The following AGBL4 variants were observed in gnomAD, a reference collection of about 807,000 sequenced individuals.
AGBL4 encodes the protein AGBL carboxypeptidase 4, also known as cytosolic carboxypeptidase 6.
In AGBL4, 58 loss-of-function variants were observed where a neutral mutation model predicts 66.4. The observed-to-expected ratio is 0.87, with a 90% CI of 0.71 to 1.09. The LOEUF is 1.09. AGBL4 is among the 50% of genes least tolerant of loss of function. The probability of loss-of-function intolerance (pLI) is 0.00; values close to 1 mark genes in which losing one functional copy is unlikely to be tolerated. For synonymous variants in AGBL4, 234 were observed against 222.9 expected (o/e 1.05, Z -0.44); for missense variants, 579 against 631.0 (o/e 0.92, Z 0.88).
intron 5 of AGBL4, among the ~76,000 whole-genome samples, chr1:49,042,064 T>C (rs1302162079): frequency 1.3e-5 from 2 of 152,102 alleles, no homozygotes; most frequent in African/African-American, 4.8e-5. Context: ...ATATATGTTT[T>C]AAAGTATCAG....
intron 4 of AGBL4, among the ~76,000 whole-genome samples, chr1:49,098,379 C>G (rs1477824297): frequency 1.3e-5 from 2 of 152,086 alleles, no homozygotes; most frequent in Admixed American, 6.6e-5. Flanking sequence ...CATAGAAGAC[C>G]CAATATAGCA....
intron 6 of AGBL4, among the ~76,000 whole-genome samples, chr1:48,844,133 C>T (rs1485231534): frequency 6.6e-6 from 1 of 152,138 alleles, no homozygotes; most frequent in Non-Finnish European, 1.5e-5. Context: ...TGTGCTCTGG[C>T]ACCCACCTGC....
intron 1 of AGBL4, among the ~76,000 whole-genome samples, chr1:49,926,399 C>T (rs1177040338): frequency 3.9e-5 from 6 of 152,144 alleles, no homozygotes; most frequent in Non-Finnish European, 7.3e-5. Context: ...CCTTTGAATA[C>T]CTGAAAAGCC....
intron 9 of AGBL4, among the ~76,000 whole-genome samples, chr1:48,623,082 C>T (rs937593210): frequency 6.6e-6 from 1 of 152,184 alleles, no homozygotes; most frequent in Non-Finnish European, 1.5e-5. Flanking sequence ...TTTCTAAGAA[C>T]AATTTGAAAA....
At chr1:49,271,861 T>C (rs1247292966) in intron 3 of AGBL4, among the ~76,000 whole-genome samples, 1 of 152,178 alleles carries the variant, frequency 6.6e-6, no homozygotes, top group Admixed American at 6.5e-5. Context: ...ATGGAAAGGA[T>C]ACTCTCAGGT....
At chr1:48,960,156 G>A (rs1350790859) in intron 5 of AGBL4, among the ~76,000 whole-genome samples, 1 of 152,142 alleles carries the variant, frequency 6.6e-6, no homozygotes, top group Non-Finnish European at 1.5e-5. Flanking sequence ...TAAAGATGAA[G>A]TGATGAGAGT....
intron 6 of AGBL4, among the ~76,000 whole-genome samples, chr1:48,726,345 G>C (rs1187710165): frequency 1.3e-5 from 2 of 152,132 alleles, no homozygotes; most frequent in Non-Finnish European, 2.9e-5. Context: ...CAACAATGAT[G>C]CAAAGTTTTT....
chr1:49,388,135 C>T (rs1486837920), intron 3 of AGBL4, among the ~76,000 whole-genome samples: 4 of 152,088 alleles, frequency 2.6e-5, no homozygotes, highest in Non-Finnish European at 4.4e-5. Context: ...ACTTCAATAC[C>T]ATCATCCTAT....
Position 48,663,233 on chromosome 1 carries a change from G to T in AGBL4, c.643C>A (p.Arg215=), listed in dbSNP as rs574037988. 8.1e-6 allele frequency: 13 copies of T among 1,613,734 alleles called. 1 individual carries two copies. The East Asian group carries it at 2.9e-4, about 36-fold the overall frequency. ...LLTITSPDNL[R]EGAEQKVVFI... Reference sequence around the variant, plus strand: ...ACCACCTTCTGCTCTGCCCCTTCCCGGAGATTGTCTGTAAGATAAAATGAA... The same window carrying T: ...ACCACCTTCTGCTCTGCCCCTTCCCTGAGATTGTCTGTAAGATAAAATGAA... Residue 215 remains arginine, a synonymous_variant, in exon 7 of 14, where the codon CGG becomes AGG. Coordinates refer to ENST00000371839, the MANE Select transcript of AGBL4 (RefSeq NM_032785.4).
intron 3 of AGBL4, among the ~76,000 whole-genome samples, chr1:49,438,098 T>A (rs947039074): frequency 6.6e-6 from 1 of 152,176 alleles, no homozygotes; most frequent in East Asian, 1.9e-4. Flanking sequence ...TATTACTGAC[T>A]CCATTTTACA....
At chr1:49,359,801 G>A (rs938224693) in intron 3 of AGBL4, among the ~76,000 whole-genome samples, 1 of 151,768 alleles carries the variant, frequency 6.6e-6, no homozygotes, top group Non-Finnish European at 1.5e-5. Context: ...TCTGACTTCC[G>A]TGCCCTCATT....
chr1:49,477,883 A>G (rs889944605), intron 3 of AGBL4, among the ~76,000 whole-genome samples: 2 of 151,800 alleles, frequency 1.3e-5, no homozygotes, highest in African/African-American at 4.8e-5. Flanking sequence ...TTAAAAAAGA[A>G]CCAAATAAAG....
intron 6 of AGBL4, among the ~76,000 whole-genome samples, chr1:48,812,157 C>A (rs1475646792): frequency 6.6e-6 from 1 of 152,122 alleles, no homozygotes; most frequent in Non-Finnish European, 1.5e-5. Flanking sequence ...TCAAAATGGA[C>A]AGAAGTTCCC....
At chr1:49,849,623 C>T (rs1215799152) in intron 2 of AGBL4, among the ~76,000 whole-genome samples, 1 of 151,948 alleles carries the variant, frequency 6.6e-6, no homozygotes, top group African/African-American at 2.4e-5. Context: ...GTCCACTTAA[C>T]CACTCTACTG....
At chr1:49,569,778 T>A (rs1644289201) in intron 3 of AGBL4, among the ~76,000 whole-genome samples, 1 of 152,116 alleles carries the variant, frequency 6.6e-6, no homozygotes, top group South Asian at 2.1e-4. Context: ...ATCATTCCAC[T>A]CTCTATATCC....
intron 1 of AGBL4, among the ~76,000 whole-genome samples, chr1:49,878,982 C>T (rs1376083084): frequency 1.0e-5 from 1 of 100,412 alleles, no homozygotes. Context: ...AGGATTGCAA[C>T]CCCTGCCTTT....
intron 5 of AGBL4, among the ~76,000 whole-genome samples, chr1:48,892,460 C>A (rs1651060184): frequency 6.6e-6 from 1 of 152,036 alleles, no homozygotes; most frequent in Admixed American, 6.5e-5. Flanking sequence ...ATGACATGTG[C>A]CCAAGGTGGT....
At chr1:49,044,784 G>A (rs1375963296) in intron 5 of AGBL4, among the ~76,000 whole-genome samples, 2 of 152,156 alleles carry the variant, frequency 1.3e-5, no homozygotes, top group African/African-American at 4.8e-5. Flanking sequence ...CAAGATGGAA[G>A]GGAACTACAA....
chr1:48,961,329 C>T (rs1003802882), intron 5 of AGBL4, among the ~76,000 whole-genome samples: 1 of 152,328 alleles, frequency 6.6e-6, no homozygotes, highest in East Asian at 1.9e-4. Flanking sequence ...TCATTTTTAT[C>T]TCTCTCACCT....
Sources: allele counts gnomAD v4.1 joint callset (sites outside exome capture counted in the v4.1 genomes callset), GRCh38; gene constraint gnomAD v4.1.1; transcripts MANE v1.5; gene names NCBI Gene and HGNC (gene_info 2026-07-23, HGNC 2026-07-21).